MMS22L: variants seen among roughly 807,000 people sequenced by gnomAD.
MMS22L encodes the protein MMS22 like, DNA repair protein, also known as protein MMS22-like.
MMS22L carries 74 observed loss-of-function variants against 159.1 expected under a neutral mutation model. The observed-to-expected ratio is 0.47, with a 90% CI of 0.39 to 0.56. The LOEUF (loss-of-function observed/expected upper bound fraction) is 0.56. Among genes scored for constraint, MMS22L ranks in the 20% least tolerant of loss-of-function variants. The pLI is 0.00. For missense variants in MMS22L, 1,351 were observed against 1,422.1 expected (o/e 0.95, Z 0.80); for synonymous variants, 517 against 506.9 (o/e 1.02, Z -0.27).
intron 14 of MMS22L, among the ~76,000 whole-genome samples, chr6:97,201,952 T>C (rs1807215053): frequency 6.6e-6 from 1 of 152,198 alleles, no homozygotes; most frequent in South Asian, 2.1e-4. Context: ...GCTTATTCCC[T>C]CGAACAATAC....
chr6:97,264,712 C>T (rs1236518245), intron 8 of MMS22L: 2 of 151,858 alleles, frequency 1.3e-5, no homozygotes, highest in East Asian at 3.9e-4. Flanking sequence ...ATACAAAAAT[C>T]AACATACAAA....
intron 8 of MMS22L, chr6:97,266,758 C>G (rs1003512948): frequency 6.6e-6 from 1 of 152,152 alleles, no homozygotes; most frequent in Admixed American, 6.5e-5. Context: ...ACAAGTAACA[C>G]ATAATCTCAC....
intron 14 of MMS22L, among the ~76,000 whole-genome samples, chr6:97,208,162 T>C (rs1807982715): frequency 6.6e-6 from 1 of 152,096 alleles, no homozygotes; most frequent in African/African-American, 2.4e-5. Flanking sequence ...CCTTTATCAC[T>C]CAATCCCAGT....
At chr6:97,273,099 A>C in intron 4 of MMS22L, 37 bp from the exon 5 acceptor site, 1 of 1,526,334 alleles carries the variant, frequency 6.6e-7, no homozygotes, top group South Asian at 1.2e-5. Context: ...CATAGTTCAA[A>C]TAATTATCAT....
At chr6:97,192,134 C>T (rs1805933712) in intron 14 of MMS22L, among the ~76,000 whole-genome samples, 1 of 151,518 alleles carries the variant, frequency 6.6e-6, no homozygotes, top group African/African-American at 2.4e-5. Context: ...TGTGTCTGTG[C>T]ATATGTGGAG....
intron 22 of MMS22L, among the ~76,000 whole-genome samples, chr6:97,159,957 T>TG (rs1562399878): frequency 6.7e-6 from 1 of 148,576 alleles, no homozygotes. Flanking sequence ...TGTTTTTTTT[T>TG]TTTTTTTTTT....
intron 8 of MMS22L, chr6:97,264,901 C>T (rs1814920880): frequency 6.6e-6 from 1 of 151,982 alleles, no homozygotes; most frequent in Non-Finnish European, 1.5e-5. Context: ...GAATACAACA[C>T]AAGTAAGTAG....
chr6:97,213,216 G>A (rs570399989), intron 14 of MMS22L, among the ~76,000 whole-genome samples: 31 of 152,212 alleles, frequency 2.0e-4, no homozygotes, highest in African/African-American at 7.2e-4. Context: ...AGACCAGCCT[G>A]ACCAACATGG....
intron 14 of MMS22L, among the ~76,000 whole-genome samples, chr6:97,189,800 A>G (rs1403624836): frequency 6.6e-6 from 1 of 152,140 alleles, no homozygotes; most frequent in Non-Finnish European, 1.5e-5. Context: ...TTCCTGCTCA[A>G]TAGTTTGAAA....
chr6:97,184,022 C>T (rs1269152479), intron 15 of MMS22L, among the ~76,000 whole-genome samples: 1 of 152,058 alleles, frequency 6.6e-6, no homozygotes, highest in Admixed American at 6.6e-5. Context: ...CTCTTTTCAC[C>T]TTTTCTCTGG....
intron 16 of MMS22L, among the ~76,000 whole-genome samples, chr6:97,180,835 T>A (rs902612934): frequency 2.0e-5 from 3 of 152,116 alleles, no homozygotes; most frequent in Admixed American, 1.3e-4. Context: ...GAAAGCCCAA[T>A]GAAAAAATGT....
intron 14 of MMS22L, among the ~76,000 whole-genome samples, chr6:97,200,439 C>T (rs551784719): frequency 2.8e-4 from 43 of 152,122 alleles, no homozygotes; most frequent in African/African-American, 1.0e-3. Flanking sequence ...GGGCTGAGAG[C>T]CTCAAAGGCG....
At chr6:97,282,096 G>T (rs1411988930) in intron 2 of MMS22L, among the ~76,000 whole-genome samples, 1 of 152,192 alleles carries the variant, frequency 6.6e-6, no homozygotes, top group African/African-American at 2.4e-5. Flanking sequence ...GGGAACATCA[G>T]TTACCAAGGA....
At chr6:97,216,880 T>A (rs1202883172) in intron 14 of MMS22L, among the ~76,000 whole-genome samples, 3 of 152,218 alleles carry the variant, frequency 2.0e-5, no homozygotes, top group Non-Finnish European at 4.4e-5. Context: ...AATATTCCAG[T>A]GGCTGGTAAA....
chr6:97,203,820 A>G (rs1807452515), intron 14 of MMS22L, among the ~76,000 whole-genome samples: 1 of 152,184 alleles, frequency 6.6e-6, no homozygotes, highest in South Asian at 2.1e-4. Flanking sequence ...CCAACTTTAC[A>G]AAGCAGCTGT....
At chr6:97,159,948 GTTTT>G (rs368455553) in intron 22 of MMS22L, among the ~76,000 whole-genome samples, 1 of 97,180 alleles carries the variant, frequency 1.0e-5, no homozygotes, top group African/African-American at 4.0e-5. Context: ...TATCATTTCT[GTTTT>G]TTTTTTTTTT....
At chr6:97,153,609 G>A (rs1336883141) in intron 22 of MMS22L, among the ~76,000 whole-genome samples, 2 of 152,020 alleles carry the variant, frequency 1.3e-5, no homozygotes, top group Non-Finnish European at 1.5e-5. Flanking sequence ...GACCTCAAGT[G>A]ATTCACCTGC....
At chr6:97,281,014 C>T (rs770897580) in intron 3 of MMS22L, among the ~76,000 whole-genome samples, 4 of 152,120 alleles carry the variant, frequency 2.6e-5, no homozygotes, top group Admixed American at 1.3e-4. Context: ...TTTGTCAATA[C>T]ATGTGTCAAA....
chr6:97,188,190 G>C (rs973150880), intron 14 of MMS22L, among the ~76,000 whole-genome samples: 1 of 152,156 alleles, frequency 6.6e-6, no homozygotes, highest in Non-Finnish European at 1.5e-5. Context: ...AAAGTTCACA[G>C]TACATTTCTA....
Sources: gnomAD v4.1 joint callset for allele counts (sites outside exome capture counted in the v4.1 genomes callset) on GRCh38, gnomAD v4.1.1 for gene constraint, MANE v1.5 for transcripts, NCBI Gene and HGNC (gene_info 2026-07-23, HGNC 2026-07-21) for gene names.